The following RBMS3 variants were observed in gnomAD, a reference collection of about 807,000 sequenced individuals.
RBMS3 encodes RNA-binding motif, single-stranded-interacting protein 3.
Under a neutral mutation model 66.8 loss-of-function variants are expected in RBMS3, and 27 were observed. That is an observed-to-expected ratio of 0.40 (90% CI 0.30 to 0.56). The LOEUF (loss-of-function observed/expected upper bound fraction) is 0.56, where lower values mean the gene tolerates loss of function less well. Among genes scored for constraint, RBMS3 ranks in the 20% least tolerant of loss-of-function variants. The pLI is 0.40. For missense variants in RBMS3, 513 were observed against 549.5 expected, an observed-to-expected ratio of 0.93 and a Z score of 0.66; for synonymous variants, 188 against 183.0, an observed-to-expected ratio of 1.03 and a Z score of -0.22.
At chr3:29,904,763 C>G (rs2060335969) in intron 10 of RBMS3, among the ~76,000 whole-genome samples, 1 of 151,948 alleles carries the variant, frequency 6.6e-6, no homozygotes, top group African/African-American at 2.4e-5. Flanking sequence ...AAATGTCTCA[C>G]TCATATTTTA....
At chr3:29,362,993 T>G (rs533063154) in intron 1 of RBMS3, among the ~76,000 whole-genome samples, 86 of 152,304 alleles carry the variant, frequency 5.6e-4, no homozygotes, top group Admixed American at 1.2e-3. Flanking sequence ...TTGGGTTGAG[T>G]AGAAATTTTG....
chr3:29,330,492 C>G (rs1386102126), intron 1 of RBMS3, among the ~76,000 whole-genome samples: 1 of 150,900 alleles, frequency 6.6e-6, no homozygotes, highest in Non-Finnish European at 1.5e-5. Context: ...TAGCTCATCC[C>G]CTTTTCTGGA....
intron 4 of RBMS3, among the ~76,000 whole-genome samples, chr3:29,605,252 G>A (rs367546223): frequency 6.6e-5 from 10 of 151,870 alleles, no homozygotes; most frequent in East Asian, 5.8e-4. Context: ...AACATTTTAC[G>A]ATTGTTTAGG....
chr3:29,992,319 G>A (rs567395234), intron 14 of RBMS3, among the ~76,000 whole-genome samples: 1 of 152,204 alleles, frequency 6.6e-6, no homozygotes, highest in Admixed American at 6.5e-5. Context: ...GGGCGCAGTG[G>A]CTCACGCCTG....
chr3:29,725,512 G>A (rs141283898), intron 4 of RBMS3, among the ~76,000 whole-genome samples: 1,556 of 152,004 alleles, frequency 0.01, 26 homozygotes, highest in African/African-American at 0.035. Context: ...GAATAAAATA[G>A]ACACAATAAA....
At chr3:29,880,691 C>G in intron 7 of RBMS3, 2 of 1,254,578 alleles carry the variant, frequency 1.6e-6, no homozygotes, top group Non-Finnish European at 2.2e-6. Context: ...TCAAACAACC[C>G]TTTGCTTAAC....
intron 1 of RBMS3, among the ~76,000 whole-genome samples, chr3:29,368,297 A>G (rs1257027899): frequency 6.6e-6 from 1 of 152,190 alleles, no homozygotes; most frequent in Non-Finnish European, 1.5e-5. Context: ...TCCTATTAGT[A>G]CTTAGCCTGA....
intron 12 of RBMS3, among the ~76,000 whole-genome samples, chr3:29,965,236 T>A (rs913113770): frequency 2.0e-5 from 3 of 152,180 alleles, no homozygotes; most frequent in African/African-American, 7.2e-5. Flanking sequence ...TCTGGGTAGA[T>A]AACCAGTAGT....
At chr3:29,486,271 CTTG>C (rs1431760718) in intron 2 of RBMS3, among the ~76,000 whole-genome samples, 2 of 152,128 alleles carry the variant, frequency 1.3e-5, no homozygotes, top group Non-Finnish European at 2.9e-5. Flanking sequence ...AGTACCTTCT[CTTG>C]TTGTTTAAAG....
intron 4 of RBMS3, among the ~76,000 whole-genome samples, chr3:29,591,819 G>A (rs988127548): frequency 6.6e-6 from 1 of 152,112 alleles, no homozygotes; most frequent in Non-Finnish European, 1.5e-5. Flanking sequence ...CAGAAAAGAA[G>A]TCACTCCCTC....
intron 2 of RBMS3, among the ~76,000 whole-genome samples, chr3:29,444,478 T>A (rs75267802): frequency 0.021 from 3,139 of 152,072 alleles, 49 homozygotes; most frequent in Admixed American, 0.045. Context: ...TCTAAGAGAA[T>A]GAGAAACCAA....
chr3:29,329,274 C>T (rs754642586), intron 1 of RBMS3, among the ~76,000 whole-genome samples: 18 of 152,016 alleles, frequency 1.2e-4, no homozygotes, highest in Non-Finnish European at 2.6e-4. Flanking sequence ...AACCCATTTA[C>T]AAGTGTTGTA....
intron 1 of RBMS3, among the ~76,000 whole-genome samples, chr3:29,408,319 A>C (rs2040117585): frequency 6.6e-6 from 1 of 151,618 alleles, no homozygotes; most frequent in Non-Finnish European, 1.5e-5. Flanking sequence ...TGTAAATAAA[A>C]TGTTTCTGTT....
At chr3:29,403,573 G>A (rs967067074) in intron 1 of RBMS3, among the ~76,000 whole-genome samples, 1 of 152,080 alleles carries the variant, frequency 6.6e-6, no homozygotes, top group African/African-American at 2.4e-5. Context: ...GATCAGACTG[G>A]AAGAAGCAAT....
chr3:29,295,722 C>T (rs1251508587), intron 1 of RBMS3, among the ~76,000 whole-genome samples: 1 of 151,626 alleles, frequency 6.6e-6, no homozygotes, highest in African/African-American at 2.4e-5. Context: ...ATTGTTCCTA[C>T]TTTATTTGTA....
intron 4 of RBMS3, 109 bp downstream of exon 4, chr3:29,587,314 G>C: frequency 1.6e-6 from 1 of 608,874 alleles, no homozygotes; most frequent in East Asian, 3.4e-5. Flanking sequence ...AAGGAAGAAG[G>C]AGAGATTAAA....
At chr3:29,675,361 C>G (rs573083352) in intron 4 of RBMS3, among the ~76,000 whole-genome samples, 1 of 152,194 alleles carries the variant, frequency 6.6e-6, no homozygotes, top group East Asian at 1.9e-4. Context: ...AGGACATAGG[C>G]ATGGGCAAGG....
intron 5 of RBMS3, among the ~76,000 whole-genome samples, chr3:29,741,453 C>G (rs1262903457): frequency 1.3e-5 from 2 of 152,204 alleles, no homozygotes; most frequent in Admixed American, 1.3e-4. Context: ...TGGGAGTTCA[C>G]TGAACCAACT....
chr3:29,904,836 T>C (rs536351672), intron 10 of RBMS3, among the ~76,000 whole-genome samples: 5 of 152,024 alleles, frequency 3.3e-5, no homozygotes, highest in African/African-American at 1.2e-4. Flanking sequence ...AATTTTGTTT[T>C]CTTTATCTCT....
Sources: allele counts gnomAD v4.1 joint callset (sites outside exome capture counted in the v4.1 genomes callset), GRCh38; gene constraint gnomAD v4.1.1; transcripts MANE v1.5; gene names NCBI Gene and HGNC (gene_info 2026-07-23, HGNC 2026-07-21).